MTUS2: variants seen among roughly 807,000 people sequenced by gnomAD.
MTUS2 encodes microtubule-associated tumor suppressor candidate 2.
In MTUS2, 40 loss-of-function variants were observed where a neutral mutation model predicts 114.1. The observed-to-expected ratio is 0.35, with a 90% CI of 0.27 to 0.46. MTUS2 has a LOEUF of 0.46. MTUS2 is among the 20% of genes least tolerant of loss of function. MTUS2 has a pLI of 1.00. For missense variants in MTUS2, 1,679 were observed against 1,705.4 expected (o/e 0.98, Z 0.27); for synonymous variants, 688 against 672.0 (o/e 1.02, Z -0.37).
At chr13:29,271,372 A>G (rs1317395578) in intron 5 of MTUS2, among the ~76,000 whole-genome samples, 1 of 152,182 alleles carries the variant, frequency 6.6e-6, no homozygotes, top group Non-Finnish European at 1.5e-5. Context: ...TTTACTCTTC[A>G]ACCAAACCAG....
chr13:29,054,021 A>C (rs1371119465), intron 4 of MTUS2, among the ~76,000 whole-genome samples: 7 of 152,228 alleles, frequency 4.6e-5, no homozygotes, highest in Non-Finnish European at 8.8e-5. Context: ...CCTATCTTAC[A>C]GTCCCATGAG....
intron 5 of MTUS2, among the ~76,000 whole-genome samples, chr13:29,160,493 G>A (rs1381448069): frequency 2.6e-5 from 4 of 152,164 alleles, no homozygotes; most frequent in Admixed American, 2.6e-4. Flanking sequence ...ATCTGGGGCT[G>A]GGCGCGGTGG....
At chr13:28,839,495 G>A (rs1250884136) in intron 1 of MTUS2, among the ~76,000 whole-genome samples, 1 of 152,022 alleles carries the variant, frequency 6.6e-6, no homozygotes, top group African/African-American at 2.4e-5. Context: ...AACTACTTGA[G>A]GGATTAATAT....
At chr13:29,305,251 C>T (rs1014164538) in intron 6 of MTUS2, among the ~76,000 whole-genome samples, 2 of 151,472 alleles carry the variant, frequency 1.3e-5, no homozygotes, top group African/African-American at 2.4e-5. Flanking sequence ...GCAAATAGAC[C>T]CCAAAGCTAG....
intron 3 of MTUS2, among the ~76,000 whole-genome samples, chr13:29,027,394 T>C (rs1593396489): frequency 6.6e-6 from 1 of 152,198 alleles, no homozygotes; most frequent in Non-Finnish European, 1.5e-5. Flanking sequence ...ACTCTTTCTT[T>C]AAAATAAAAG....
At chr13:29,126,156 C>T (rs926043567) in intron 5 of MTUS2, among the ~76,000 whole-genome samples, 9 of 152,176 alleles carry the variant, frequency 5.9e-5, no homozygotes, top group Admixed American at 1.3e-4. Context: ...GGGCTGTCCT[C>T]ATACCTGCAC....
At chr13:29,427,500 C>T (rs1876637253) in intron 8 of MTUS2, among the ~76,000 whole-genome samples, 1 of 152,144 alleles carries the variant, frequency 6.6e-6, no homozygotes, top group Non-Finnish European at 1.5e-5. Context: ...TCAAGGTGTG[C>T]GTACATTCAA....
At chr13:29,377,815 A>G (rs368376445) in intron 8 of MTUS2, among the ~76,000 whole-genome samples, 12 of 152,192 alleles carry the variant, frequency 7.9e-5, no homozygotes, top group African/African-American at 2.7e-4. Context: ...GAGAAAATCA[A>G]TGAAACTAAA....
At chr13:29,251,036 C>T (rs2139430135) in intron 5 of MTUS2, among the ~76,000 whole-genome samples, 1 of 152,272 alleles carries the variant, frequency 6.6e-6, no homozygotes, top group African/African-American at 2.4e-5. Context: ...ACATGAAATG[C>T]TCCCTCTTTT....
chr13:29,008,417 C>T (rs1885694345), intron 2 of MTUS2, among the ~76,000 whole-genome samples: 1 of 152,210 alleles, frequency 6.6e-6, no homozygotes, highest in Admixed American at 6.5e-5. Context: ...TTCTGTCTTT[C>T]TGTTCCAATC....
chr13:29,211,618 G>A (rs558443480), intron 5 of MTUS2, among the ~76,000 whole-genome samples: 242 of 152,230 alleles, frequency 1.6e-3, no homozygotes, highest in African/African-American at 5.5e-3. Flanking sequence ...GAGTGCCCAC[G>A]GAACTCTTCC....
chr13:29,189,879 A>G (rs370551366), intron 5 of MTUS2, among the ~76,000 whole-genome samples: 9 of 152,148 alleles, frequency 5.9e-5, no homozygotes, highest in African/African-American at 1.9e-4. Context: ...CCCCAATAGG[A>G]TAATATTTGG....
chr13:28,901,881 C>G (rs1183241250), intron 2 of MTUS2, among the ~76,000 whole-genome samples: 1 of 152,120 alleles, frequency 6.6e-6, no homozygotes, highest in African/African-American at 2.4e-5. Context: ...CATCTGCAAA[C>G]AAACAAAAAC....
Position 29,358,199 on chromosome 13 carries a change from C to T in MTUS2, c.2906-1063C>T, listed in dbSNP as rs541496981. On this transcript the variant is annotated intron_variant, in intron 7 of 15. Transcript: ENST00000612955. The stretch of plus-strand genomic sequence containing the variant: ...TTGTCAATAGCAGGGGTTCTCCGAC[C>T]GCCTGCACATCCCAGGTCTGTCTGT... Among the ~76,000 whole-genome samples, 9 of 152,282 alleles carry T rather than the reference C, an allele frequency of 5.9e-5. No individual in the cohort carries two copies. In the South Asian group the frequency reaches 1.0e-3, roughly 18 times the overall value.
intron 2 of MTUS2, among the ~76,000 whole-genome samples, chr13:28,962,236 A>T (rs1227508876): frequency 6.6e-6 from 1 of 152,060 alleles, no homozygotes; most frequent in Non-Finnish European, 1.5e-5. Context: ...AAAAATATCA[A>T]ATGTACTCTT....
chr13:28,891,881 A>AG (rs1878951130), intron 2 of MTUS2, among the ~76,000 whole-genome samples: 1 of 150,028 alleles, frequency 6.7e-6, no homozygotes, highest in African/African-American at 2.5e-5. Flanking sequence ...AAAAAAAAAA[A>AG]AGAATAACAA....
chr13:29,120,620 TAAGAG>T (rs1243243314), intron 5 of MTUS2, among the ~76,000 whole-genome samples: 2 of 152,028 alleles, frequency 1.3e-5, no homozygotes, highest in African/African-American at 4.8e-5. Context: ...CACTTAAAAA[TAAGAG>T]AAGAATAAAA....
chr13:29,108,211 T>C (rs902225143), intron 5 of MTUS2, among the ~76,000 whole-genome samples: 2 of 152,238 alleles, frequency 1.3e-5, no homozygotes, highest in Non-Finnish European at 2.9e-5. Flanking sequence ...TTTTTATTCA[T>C]GGAAAAAGCA....
At chr13:28,873,380 C>G (rs1445189289) in intron 2 of MTUS2, among the ~76,000 whole-genome samples, 1 of 152,220 alleles carries the variant, frequency 6.6e-6, no homozygotes, top group Non-Finnish European at 1.5e-5. Context: ...CTGAAGCCTT[C>G]TCTGAACCCT....
Sources: gnomAD v4.1 joint callset for allele counts (sites outside exome capture counted in the v4.1 genomes callset) on GRCh38, gnomAD v4.1.1 for gene constraint, MANE v1.5 for transcripts, NCBI Gene and HGNC (gene_info 2026-07-23, HGNC 2026-07-21) for gene names.